Variants in SEZ6 observed in about 807,000 individuals in gnomAD.
SEZ6 encodes seizure related 6 homolog, also known as seizure protein 6 homolog.
Under a neutral mutation model 101.0 loss-of-function variants are expected in SEZ6, and 53 were observed. The observed-to-expected ratio is 0.52, with a 90% confidence interval of 0.42 to 0.66. SEZ6 has a LOEUF of 0.66. Ranked by LOEUF, SEZ6 falls within the 30% of genes least tolerant of loss-of-function variation. SEZ6 has a pLI of 0.00. For synonymous variants in SEZ6, 488 were observed against 512.2 expected (o/e 0.95, Z 0.64); for missense variants, 1,102 against 1,289.4 (o/e 0.85, Z 2.23).
chr17:28,966,800 C>T (rs1319902989), intron 4 of SEZ6, among the ~76,000 whole-genome samples: 1 of 152,158 alleles, frequency 6.6e-6, no homozygotes, highest in Non-Finnish European at 1.5e-5. Context: ...CAGGGCAGAC[C>T]AGGGTCCAGA....
chr17:28,984,963 C>T (rs182553093), intron 1 of SEZ6, among the ~76,000 whole-genome samples: 1 of 152,196 alleles, frequency 6.6e-6, no homozygotes, highest in Non-Finnish European at 1.5e-5. Flanking sequence ...GTGTCAGGCC[C>T]TTCCCAGACC....
chr17:28,971,534 G>A (rs1003797716), intron 3 of SEZ6, among the ~76,000 whole-genome samples: 8 of 151,934 alleles, frequency 5.3e-5, no homozygotes, highest in African/African-American at 7.3e-5. Flanking sequence ...CGGAGGTTGC[G>A]GTGAGCCGAG....
At position 28,956,702 on chromosome 17, in the gene SEZ6, C is replaced by T. The variant is rs1278919535; in HGVS notation, c.2731+17G>A. The T allele has an allele frequency of 1.9e-6, 3 of 1,557,990 alleles. No individual in the cohort carries two copies. Among genetic ancestry groups the T allele is most frequent in the Admixed American group, 1.9e-5 (1 of 51,570 alleles). On this transcript the variant is annotated intron_variant, in intron 14 of 16. Coordinates refer to ENST00000317338, the MANE Select transcript of SEZ6 (RefSeq NM_178860.5). The stretch of plus-strand genomic sequence containing the variant: ...ACCAGGGAGACCACTTCTCTGGCCT[C>T]AAGGGTGGAGACTTACCATCCAGGC...
In SEZ6 at chr17:28,981,400, GT is replaced by G; in HGVS notation, c.694del (p.Thr232ProfsTer67). ...EETTTTTTII[T>X]TTITTVQTPG... Reference sequence around the variant, plus strand: ...TGTCTGGACTGTGGTGATGGTGGTGGTGATGATGGTGGTGGTAGTGGTGGTC... The same window carrying G: ...TGTCTGGACTGTGGTGATGGTGGTGGGATGATGGTGGTGGTAGTGGTGGTC... On this transcript the variant is annotated frameshift_variant, in exon 2 of 17. Coordinates refer to ENST00000317338, the MANE Select transcript of SEZ6 (RefSeq NM_178860.5). LOFTEE classifies it high-confidence loss of function. The G allele has an allele frequency of 6.4e-7, 1 of 1,552,816 alleles. No homozygotes were observed. The highest frequency in any genetic ancestry group is 1.4e-5 in the African/African-American group (1 of 73,248).
At chr17:28,990,685 T>C (rs887951927) in intron 1 of SEZ6, among the ~76,000 whole-genome samples, 5 of 151,980 alleles carry the variant, frequency 3.3e-5, no homozygotes, top group African/African-American at 1.2e-4. Flanking sequence ...CAGACCCCTA[T>C]GATTTCATCC....
chr17:29,001,048 C>T (rs956432954), intron 1 of SEZ6, among the ~76,000 whole-genome samples: 5 of 151,984 alleles, frequency 3.3e-5, no homozygotes, highest in African/African-American at 7.3e-5. Context: ...AGGCTGATGG[C>T]GTGACAGCTT....
intron 2 of SEZ6, among the ~76,000 whole-genome samples, chr17:28,980,372 ATT>A (rs377432862): frequency 2.2e-5 from 3 of 134,808 alleles, no homozygotes; most frequent in Non-Finnish European, 1.6e-5. Context: ...ATGCCTGGCT[ATT>A]TTTTTTTTTT....
At chr17:29,003,829 C>A (rs575952716) in intron 1 of SEZ6, among the ~76,000 whole-genome samples, 2 of 152,290 alleles carry the variant, frequency 1.3e-5, no homozygotes, top group East Asian at 3.9e-4. Context: ...AGACTCCTAC[C>A]CCACATATCC....
rs2041669618 is a variant in SEZ6 at position 29,005,121 on chromosome 17, A to G, written c.55+694T>C. On this transcript the variant is annotated intron_variant, in intron 1 of 16. Transcript: ENST00000317338. The surrounding 1 kb of genome is among the most constrained non-coding windows in gnomAD (Gnocchi z 4.8). ...TGTGTGTGTGTGTGTGTGTGTGTAC[A>G]AGGAAAGGACTTTGGGGAGGACAGA... is the stretch of plus-strand genomic sequence containing the variant. 7.1e-6 allele frequency among the ~76,000 whole-genome samples: 1 copy of G among 141,026 alleles called. No homozygotes were observed. Among genetic ancestry groups the G allele is most frequent in the African/African-American group, 2.7e-5 (1 of 37,582 alleles). The allele number at this position is 141,026 out of a possible 152,430, so 92.5% of individuals were successfully genotyped here.
intron 1 of SEZ6, among the ~76,000 whole-genome samples, chr17:28,982,927 G>A (rs2041330489): frequency 6.6e-6 from 1 of 152,118 alleles, no homozygotes; most frequent in African/African-American, 2.4e-5. Context: ...TCTCACCTCA[G>A]CCTCCTAGGG....
At chr17:28,978,109 G>A (rs971297736) in intron 3 of SEZ6, among the ~76,000 whole-genome samples, 6 of 152,184 alleles carry the variant, frequency 3.9e-5, no homozygotes, top group African/African-American at 1.2e-4. Context: ...AGGTCTAGAC[G>A]GCTTCAGTCC....
intron 1 of SEZ6, among the ~76,000 whole-genome samples, chr17:29,002,557 C>T (rs1457066956): frequency 6.6e-6 from 1 of 152,136 alleles, no homozygotes; most frequent in East Asian, 1.9e-4. Flanking sequence ...CCTTGGAAGC[C>T]CGGGGCTGGT....
In SEZ6 at chr17:28,955,766, A is replaced by G. The variant is rs2040868881; in HGVS notation, c.*196T>C. 2 of 725,156 alleles carry G rather than the reference A, an allele frequency of 2.8e-6. No homozygotes were observed. The highest frequency in any genetic ancestry group is 4.9e-6 in the Non-Finnish European group (2 of 405,508). The allele number at this position is 725,156 out of a possible 1,614,324, so 44.9% of individuals were successfully genotyped here. On this transcript the variant is annotated 3_prime_UTR_variant, in exon 17 of 17. Coordinates refer to ENST00000317338, the MANE Select transcript of SEZ6 (RefSeq NM_178860.5). ...GCCCAATGAAGGGCCCCAAGTGGGC[A>G]ATGACACCAAGAAAATAGGCCATGG...
intron 2 of SEZ6, 48 bp downstream of exon 2, chr17:28,981,323 G>A (rs1355138304): frequency 6.6e-7 from 1 of 1,505,950 alleles, no homozygotes; most frequent in Non-Finnish European, 8.9e-7. Context: ...GGGCCCCGCA[G>A]CCTCCCCCAT....
In SEZ6 at chr17:28,957,377, T is replaced by C. The variant is rs1181894595; in HGVS notation, c.2465A>G (p.Lys822Arg). 6.2e-7 allele frequency: 1 copy of C among 1,613,902 alleles called. No homozygotes were observed. Among genetic ancestry groups the C allele is most frequent in the East Asian group, 2.2e-5 (1 of 44,890 alleles). The change falls in exon 12 of 17, where the codon AAG (lysine) becomes AGG (arginine). Residue 822 changes from lysine (K) to arginine (R), a missense_variant. By Grantham distance (26) the Lys-to-Arg change is conservative. Coordinates refer to ENST00000317338, the MANE Select transcript of SEZ6 (RefSeq NM_178860.5). ...TCHDRQAGSPKWSDRAPKCLL... is the reference protein window; with the variant it reads ...TCHDRQAGSPRWSDRAPKCLL... The stretch of plus-strand genomic sequence containing the variant: ...ACATTTAGGGGCCCGGTCACTCCAC[T>C]TGGGGCTGCCAGCCTGGCGATCATG...
intron 3 of SEZ6, among the ~76,000 whole-genome samples, chr17:28,970,701 A>G (rs141316297): frequency 1.3e-5 from 2 of 152,184 alleles, no homozygotes; most frequent in Non-Finnish European, 2.9e-5. Context: ...TCCTCCCTCT[A>G]CAGCAGTATT....
At chr17:29,001,214 T>A (rs1598216943) in intron 1 of SEZ6, among the ~76,000 whole-genome samples, 1 of 152,242 alleles carries the variant, frequency 6.6e-6, no homozygotes, top group Non-Finnish European at 1.5e-5. Flanking sequence ...CCAGCTGCCA[T>A]AGGCCCGCCT....
intron 1 of SEZ6, among the ~76,000 whole-genome samples, chr17:29,004,450 C>T (rs894126951): frequency 2.0e-5 from 3 of 152,186 alleles, no homozygotes; most frequent in East Asian, 3.9e-4. Context: ...TGGGCGCTGC[C>T]GGAGGATCCA....
chr17:29,001,091 G>A (rs1396300177), intron 1 of SEZ6, among the ~76,000 whole-genome samples: 1 of 152,138 alleles, frequency 6.6e-6, no homozygotes, highest in African/African-American at 2.4e-5. Flanking sequence ...AGTAAAGGCT[G>A]TAATTTACAG....
Sources: gnomAD v4.1 joint callset for allele counts (sites outside exome capture counted in the v4.1 genomes callset) on GRCh38, gnomAD v4.1.1 for gene constraint, Gnocchi (gnomAD v3.1) non-coding constraint, MANE v1.5 for transcripts, NCBI Gene and HGNC (gene_info 2026-07-23, HGNC 2026-07-21) for gene names.